CRTC1: variants seen among roughly 807,000 people sequenced by gnomAD.
The protein encoded by CRTC1 is CREB regulated transcription coactivator 1, also known as CREB-regulated transcription coactivator 1.
Under a neutral mutation model 66.1 loss-of-function variants are expected in CRTC1, and 18 were observed. The ratio of observed to expected loss-of-function variants is 0.27; its 90% CI spans 0.19 to 0.40. The LOEUF (loss-of-function observed/expected upper bound fraction) is 0.40. CRTC1 is among the 10% of genes least tolerant of loss of function. CRTC1 has a pLI of 1.00. For missense variants in CRTC1, 669 were observed against 887.9 expected, an observed-to-expected ratio of 0.75 and a Z score of 3.13; for synonymous variants, 416 against 398.8, an observed-to-expected ratio of 1.04 and a Z score of -0.51.
intron 8 of CRTC1, among the ~76,000 whole-genome samples, chr19:18,761,195 C>T (rs2054606822): frequency 6.6e-6 from 1 of 152,252 alleles, no homozygotes; most frequent in Non-Finnish European, 1.5e-5. Context: ...CGTCCCGGCC[C>T]TGGCCTCTAC....
intron 1 of CRTC1, among the ~76,000 whole-genome samples, chr19:18,712,520 A>G (rs935146376): frequency 4.8e-4 from 73 of 151,678 alleles, no homozygotes; most frequent in Middle Eastern, 3.4e-3. Flanking sequence ...GTGGCCTCCC[A>G]AAGTGCTGGG....
At chr19:18,700,222 G>T (rs968886258) in intron 1 of CRTC1, among the ~76,000 whole-genome samples, 5 of 152,208 alleles carry the variant, frequency 3.3e-5, no homozygotes, top group African/African-American at 1.2e-4. Flanking sequence ...ACTCCGTGGG[G>T]TGGGGTTGAA....
chr19:18,729,287 G>A (rs182808367), intron 1 of CRTC1, among the ~76,000 whole-genome samples: 179 of 151,304 alleles, frequency 1.2e-3, no homozygotes, highest in African/African-American at 3.9e-3. Flanking sequence ...TTAGCCGGGC[G>A]TGGCGGCGGG....
intron 1 of CRTC1, among the ~76,000 whole-genome samples, chr19:18,719,934 G>T (rs1334017345): frequency 6.6e-6 from 1 of 152,242 alleles, no homozygotes; most frequent in African/African-American, 2.4e-5. Context: ...TCGGCGTCGG[G>T]CTTCTTGCCT....
chr19:18,726,239 G>GCT (rs2145652356), intron 1 of CRTC1, among the ~76,000 whole-genome samples: 1 of 152,246 alleles, frequency 6.6e-6, no homozygotes, highest in East Asian at 1.9e-4. Context: ...CTCAGCCGGC[G>GCT]CTCCCAGCCA....
intron 1 of CRTC1, among the ~76,000 whole-genome samples, chr19:18,702,167 C>T (rs1349977678): frequency 6.6e-6 from 1 of 151,948 alleles, no homozygotes; most frequent in African/African-American, 2.4e-5. Context: ...AGGTGATTTG[C>T]CCGCCTCAGC....
At position 18,771,466 on chromosome 19, in the gene CRTC1, A is replaced by T. The variant is rs1264216719; in HGVS notation, c.1345A>T (p.Thr449Ser). The T allele has an allele frequency of 1.9e-6, 3 of 1,613,480 alleles. No individual in the cohort carries two copies. The highest frequency in any genetic ancestry group is 1.7e-6 in the Non-Finnish European group (2 of 1,179,692). Residue 449 changes from threonine (T) to serine (S), a missense_variant, in exon 11 of 14, where the codon ACT becomes TCT. Physicochemically the swap from Thr to Ser is moderately conservative, Grantham distance 58. This residue lies in a region of CRTC1 where 241 missense variants were observed against 242.2 expected (regional missense o/e 0.99). Transcript: ENST00000321949. This position sits in a 1 kb window ranked among gnomAD's most constrained non-coding sequence, Gnocchi z 4.6. Reference sequence around the variant, plus strand: ...GGCGCCGGCTCTGCAGCAGTACCGCACTAGCGCCGGCTCCCCGGCCAACCA... The same window carrying T: ...GGCGCCGGCTCTGCAGCAGTACCGCTCTAGCGCCGGCTCCCCGGCCAACCA... ...ASAPALQQYR[T>S]SAGSPANQSP...
chr19:18,759,583 C>T lies in CRTC1; in HGVS notation c.657C>T (p.Pro219=), dbSNP rs150221337. Residue 219 remains proline (P), a synonymous_variant, in exon 7 of 14, where the codon CCC becomes CCT. Coordinates refer to ENST00000321949, the MANE Select transcript of CRTC1 (RefSeq NM_015321.3). ...CCAGGCCCAAGTCCTGTGAGGTCCC[C>T]GGAATCAAGTAAGTCTCCACAGGGC... ...TGSRPKSCEV[P]GINIFPSADQ... is the part of the protein sequence containing the mutation. 2.5e-3 allele frequency: 4,059 copies of T among 1,612,866 alleles called. 48 individuals carry two copies. Among genetic ancestry groups the T allele is most frequent in the South Asian group, 0.025 (2,240 of 90,908 alleles).
rs751673965 is a variant in CRTC1 at position 18,747,130 on chromosome 19, C to T, written c.443+16C>T. The T allele has an allele frequency of 6.7e-5, 20 of 299,068 alleles. No homozygotes were observed. The highest frequency in any genetic ancestry group is 1.1e-4 in the Non-Finnish European group (20 of 188,886). The allele number at this position is 299,068 out of a possible 1,614,324, so 18.5% of individuals were successfully genotyped here. A position where few individuals can be genotyped will look rare whatever the true frequency, so the allele number is the denominator to read the frequency against. ...GCTGGAGAAGGTCAGTGGCTGGACACCCCCCCCCCGCCCCCTTCTTGTTGG... is the reference window on the plus strand; with the variant it reads ...GCTGGAGAAGGTCAGTGGCTGGACATCCCCCCCCCGCCCCCTTCTTGTTGG... On this transcript the variant is annotated intron_variant, in intron 4 of 13. Transcript: ENST00000321949.
rs1396787036 is a variant in CRTC1, at chr19:18,703,359, C to G, written c.126+19531C>G. Among the ~76,000 whole-genome samples the G allele has an allele frequency of 2.6e-5, 4 of 152,126 alleles. No homozygotes were observed. In the East Asian group the frequency reaches 7.7e-4, roughly 29 times the overall value. The stretch of plus-strand genomic sequence containing the variant: ...AGTTGTCACAATTCTATTAACTAGA[C>G]TCCAGACTGTGTTTGGATTTCCCCG... On this transcript the variant is annotated intron_variant, in intron 1 of 13. Transcript: ENST00000321949.
In CRTC1 at chr19:18,779,362, G is replaced by A. The variant is rs954081870; in HGVS notation, c.*1980G>A. Reference sequence around the variant, plus strand: ...CCCTGGTCACGTTGCTCCTGCTGCCGTCTTGTTCCAAGGTGCGGGGGGGAC... The same window carrying A: ...CCCTGGTCACGTTGCTCCTGCTGCCATCTTGTTCCAAGGTGCGGGGGGGAC... On this transcript the variant is annotated 3_prime_UTR_variant, in exon 14 of 14. Transcript: ENST00000321949. The A allele has an allele frequency of 3.5e-5, 8 of 226,354 alleles. No homozygotes were observed. Among genetic ancestry groups the A allele is most frequent in the East Asian group, 6.4e-5 (1 of 15,742 alleles). 14.0% of individuals were successfully genotyped at this position (226,354 alleles called of 1,614,324 possible). A position where few individuals can be genotyped will look rare whatever the true frequency, so the allele number is the denominator to read the frequency against.
chr19:18,775,210 C>T (rs1463782626), intron 12 of CRTC1, among the ~76,000 whole-genome samples: 1 of 152,238 alleles, frequency 6.6e-6, no homozygotes, highest in East Asian at 1.9e-4. Context: ...CATCTTTGCC[C>T]ACCTACAGAG....
At position 18,768,488 on chromosome 19, in the gene CRTC1, G is replaced by C; in HGVS notation, c.1015G>C (p.Val339Leu). 6.2e-7 allele frequency: 1 copy of C among 1,608,870 alleles called. No homozygotes were observed. Among genetic ancestry groups the C allele is most frequent in the Non-Finnish European group, 8.5e-7 (1 of 1,179,126 alleles). Residue 339 changes from valine (V) to leucine (L), a missense_variant, in exon 10 of 14, where the codon GTA becomes CTA. Physicochemically the swap from Val to Leu is conservative, Grantham distance 32. Around this residue, in one of 8 missense-constraint regions of CRTC1, gnomAD observed 241 missense variants for 242.2 expected, o/e 0.99. Coordinates refer to ENST00000321949, the MANE Select transcript of CRTC1 (RefSeq NM_015321.3). This position sits in a 1 kb window ranked among gnomAD's most constrained non-coding sequence, Gnocchi z 5.6. ...LSPLSPITQAVAMDALSLEQQ... is the reference protein window; with the variant it reads ...LSPLSPITQALAMDALSLEQQ... ...CTGACGCTCTCCTCTCCTGCAGGCT[G>C]TAGCCATGGACGCCCTGTCTCTGGA... is the stretch of plus-strand genomic sequence containing the variant.
intron 1 of CRTC1, among the ~76,000 whole-genome samples, chr19:18,697,630 T>G (rs1270193375): frequency 2.0e-5 from 3 of 152,198 alleles, no homozygotes; most frequent in South Asian, 2.1e-4. Context: ...GGCCCTGCTG[T>G]CTTTGGTGCA....
Position 18,749,800 on chromosome 19 carries a change from C to T in CRTC1, c.463C>T (p.Leu155=). Residue 155 remains leucine, a synonymous_variant, in exon 5 of 14, where the codon CTG becomes TTG. Coordinates refer to ENST00000321949, the MANE Select transcript of CRTC1 (RefSeq NM_015321.3). The part of the protein sequence containing the change: ...SWRRTNSDSA[L]HQSTMTPTQP... Reference sequence around the variant, plus strand: ...CACCAGGACCAATTCTGACTCCGCCCTGCACCAGAGCACAATGACGCCCAC... The same window carrying T: ...CACCAGGACCAATTCTGACTCCGCCTTGCACCAGAGCACAATGACGCCCAC... The T allele has an allele frequency of 6.2e-7, 1 of 1,614,076 alleles. No homozygotes were observed. The highest frequency in any genetic ancestry group is 8.5e-7 in the Non-Finnish European group (1 of 1,179,982).
chr19:18,712,254 C>CGTTTGTTT (rs36061828), intron 1 of CRTC1, among the ~76,000 whole-genome samples: 6 of 150,540 alleles, frequency 4.0e-5, no homozygotes, highest in African/African-American at 7.3e-5. Flanking sequence ...CCCAGTTAGA[C>CGTTTGTTT]GTTTGTTTGT....
rs1388938497 is a variant in CRTC1 at position 18,777,076 on chromosome 19, C to T, written c.1694-95C>T. On this transcript the variant is annotated intron_variant, in intron 13 of 13. Coordinates refer to ENST00000321949, the MANE Select transcript of CRTC1 (RefSeq NM_015321.3). This position sits in a 1 kb window ranked among gnomAD's most constrained non-coding sequence, Gnocchi z 5.5. ...AGACATTGCCAGCATACCCAGGGGA[C>T]AGAGTCGCCCGGCGGGCATGCCTGG... The T allele has an allele frequency of 1.1e-5, 8 of 722,616 alleles. No individual in the cohort carries two copies. Among genetic ancestry groups the T allele is most frequent in the Admixed American group, 7.9e-5 (4 of 50,666 alleles). The allele number at this position is 722,616 out of a possible 1,614,324, so 44.8% of individuals were successfully genotyped here.
intron 1 of CRTC1, among the ~76,000 whole-genome samples, chr19:18,730,823 G>A (rs1001143451): frequency 6.6e-6 from 1 of 152,182 alleles, no homozygotes; most frequent in Non-Finnish European, 1.5e-5. Flanking sequence ...GAAGCCACCA[G>A]TGGCCCCCCT....
chr19:18,762,979 A>AT (rs2054648243), intron 8 of CRTC1, among the ~76,000 whole-genome samples: 4 of 152,364 alleles, frequency 2.6e-5, no homozygotes, highest in Admixed American at 6.5e-5. Context: ...GTTTCTGACA[A>AT]CAGCAAACCA....
Sources: gnomAD v4.1 joint callset for allele counts (sites outside exome capture counted in the v4.1 genomes callset) on GRCh38, gnomAD v4.1.1 for gene constraint, gnomAD v4.1.1 regional missense constraint, Gnocchi (gnomAD v3.1) non-coding constraint, MANE v1.5 for transcripts, NCBI Gene and HGNC (gene_info 2026-07-23, HGNC 2026-07-21) for gene names.